Variants in TASP1 observed in about 807,000 individuals in gnomAD.
TASP1 encodes taspase 1.
A neutral mutation model predicts 56.6 loss-of-function variants in TASP1; 16 were observed. The ratio of observed to expected loss-of-function variants is 0.28; its 90% CI spans 0.19 to 0.43. The LOEUF (loss-of-function observed/expected upper bound fraction) is 0.43, where lower values mean the gene tolerates loss of function less well. TASP1 is among the 20% of genes least tolerant of loss of function. The probability of loss-of-function intolerance (pLI) is 1.00; values close to 1 mark genes in which losing one functional copy is unlikely to be tolerated. For missense variants in TASP1, 393 were observed against 511.6 expected (o/e 0.77, Z 2.24); for synonymous variants, 179 against 184.2 (o/e 0.97, Z 0.23).
the TASP1 span, among the ~76,000 whole-genome samples, chr20:13,157,808 G>A: frequency 1.3e-5 from 2 of 152,198 alleles, no homozygotes; most frequent in African/African-American, 4.8e-5. Context: ...TTTGTTGGAA[G>A]TTTATATGTA....
intron 7 of TASP1, among the ~76,000 whole-genome samples, chr20:13,568,440 AAT>A (rs1370234153): frequency 6.6e-6 from 1 of 152,198 alleles, no homozygotes; most frequent in African/African-American, 2.4e-5. Flanking sequence ...TAGTGTTTTT[AAT>A]ATTTCTTTCT....
At chr20:13,482,615 T>A (rs1026567438) in intron 11 of TASP1, among the ~76,000 whole-genome samples, 1 of 152,160 alleles carries the variant, frequency 6.6e-6, no homozygotes, top group African/African-American at 2.4e-5. Flanking sequence ...GTTACAGAGA[T>A]CTTTCTAAGT....
the TASP1 span, among the ~76,000 whole-genome samples, chr20:13,181,073 CCTGCATCCCT>C: frequency 2.6e-5 from 4 of 152,190 alleles, no homozygotes; most frequent in African/African-American, 9.7e-5. Flanking sequence ...ATCCCAAGCA[CCTGCATCCCT>C]CTGGTTAAAG....
intron 8 of TASP1, among the ~76,000 whole-genome samples, chr20:13,540,926 C>A (rs1046788941): frequency 6.7e-6 from 1 of 150,370 alleles, no homozygotes; most frequent in African/African-American, 2.4e-5. Context: ...AAAAACAAAA[C>A]CAAACATTCA....
chr20:13,228,475 A>G, the TASP1 span, among the ~76,000 whole-genome samples: 1 of 152,208 alleles, frequency 6.6e-6, no homozygotes, highest in African/African-American at 2.4e-5. Context: ...AATTTTAAGA[A>G]TAGAATTTAA....
At chr20:13,153,964 T>C in the TASP1 span, 1 of 1,607,596 alleles carries the variant, frequency 6.2e-7, no homozygotes, top group African/African-American at 1.3e-5. Flanking sequence ...TCCCTCTTTC[T>C]AGTGGGAATT....
chr20:13,416,810 C>T (rs762310609), intron 13 of TASP1, among the ~76,000 whole-genome samples: 18 of 152,120 alleles, frequency 1.2e-4, no homozygotes, highest in Admixed American at 8.5e-4. Flanking sequence ...CAGGCTCAAC[C>T]ATCATGAGTC....
the TASP1 span, among the ~76,000 whole-genome samples, chr20:13,159,655 C>G: frequency 1.3e-5 from 2 of 151,934 alleles, no homozygotes; most frequent in Non-Finnish European, 2.9e-5. Context: ...ACCTAGGGAC[C>G]CTGCAGATGG....
intron 9 of TASP1, among the ~76,000 whole-genome samples, chr20:13,528,997 G>A (rs935088234): frequency 6.6e-6 from 1 of 152,194 alleles, no homozygotes; most frequent in Non-Finnish European, 1.5e-5. Flanking sequence ...GTACTGGGAT[G>A]CAGCTGGTCC....
At chr20:13,388,421 G>A (rs2041180189), downstream of TASP1, among the ~76,000 whole-genome samples, 1 of 152,090 alleles carries the variant, frequency 6.6e-6, no homozygotes, top group Non-Finnish European at 1.5e-5. Flanking sequence ...GAAAATTGAA[G>A]AGTAAAGTCT....
the TASP1 span, chr20:13,292,400 GC>G: frequency 6.2e-7 from 1 of 1,606,200 alleles, no homozygotes; most frequent in Admixed American, 1.7e-5. Context: ...TAGGACAGCT[GC>G]CACCGAAGTG....
the TASP1 span, chr20:13,117,712 T>A: frequency 6.2e-7 from 1 of 1,611,186 alleles, no homozygotes; most frequent in Non-Finnish European, 8.5e-7. Context: ...GGAGGTTACA[T>A]AGCTGGAAGG....
At chr20:13,628,842 C>T (rs2048988820) in intron 2 of TASP1, among the ~76,000 whole-genome samples, 1 of 152,194 alleles carries the variant, frequency 6.6e-6, no homozygotes, top group East Asian at 1.9e-4. Context: ...CACTGTTCTG[C>T]AACCCAAGAC....
the TASP1 span, among the ~76,000 whole-genome samples, chr20:13,377,497 G>T: frequency 1.3e-5 from 2 of 152,140 alleles, no homozygotes; most frequent in Admixed American, 1.3e-4. Flanking sequence ...GAGGATTTTT[G>T]CATCAGTGTT....
chr20:13,164,549 T>C, the TASP1 span: 1 of 585,746 alleles, frequency 1.7e-6, no homozygotes. Flanking sequence ...GTTAGACCAC[T>C]AAATAAAATT....
chr20:13,605,529 A>G (rs1456225900), intron 4 of TASP1, among the ~76,000 whole-genome samples: 1 of 151,966 alleles, frequency 6.6e-6, no homozygotes, highest in Admixed American at 6.6e-5. Context: ...ATTTTTTTTT[A>G]AATAGCTGGG....
intron 5 of TASP1, among the ~76,000 whole-genome samples, chr20:13,583,821 C>T (rs2147233012): frequency 6.6e-6 from 1 of 152,264 alleles, no homozygotes; most frequent in Non-Finnish European, 1.5e-5. Flanking sequence ...GTGGCTCACG[C>T]CTGTAATCTC....
chr20:13,169,971 T>C, the TASP1 span, among the ~76,000 whole-genome samples: 3 of 152,200 alleles, frequency 2.0e-5, no homozygotes, highest in African/African-American at 7.2e-5. Context: ...AACAAAGGCA[T>C]CAAAAGGAGT....
chr20:13,473,471 G>C (rs1600913488), intron 11 of TASP1, among the ~76,000 whole-genome samples: 1 of 152,012 alleles, frequency 6.6e-6, no homozygotes, highest in Middle Eastern at 3.4e-3. Flanking sequence ...ATGTACCCTA[G>C]AACTTAAAGT....
Sources: allele counts gnomAD v4.1 joint callset (sites outside exome capture counted in the v4.1 genomes callset), GRCh38; gene constraint gnomAD v4.1.1; transcripts MANE v1.5; gene names NCBI Gene and HGNC (gene_info 2026-07-23, HGNC 2026-07-21).